The following SLC5A8 variants were observed in gnomAD, a reference collection of about 807,000 sequenced individuals.
SLC5A8 encodes the protein solute carrier family 5 member 8.
In SLC5A8, 55 loss-of-function variants were observed where a neutral mutation model predicts 71.9. That is an observed-to-expected ratio of 0.77 (90% CI 0.62 to 0.96). The LOEUF is 0.96. SLC5A8 is among the 40% of genes least tolerant of loss of function. The pLI is 0.00. For missense variants in SLC5A8, 701 were observed against 745.3 expected, an observed-to-expected ratio of 0.94 and a Z score of 0.69; for synonymous variants, 307 against 276.1, an observed-to-expected ratio of 1.11 and a Z score of -1.11.
intron 10 of SLC5A8, 88 bp downstream of exon 10, chr12:101,179,941 A>T: frequency 7.2e-7 from 1 of 1,385,274 alleles, no homozygotes; most frequent in African/African-American, 1.4e-5. Context: ...GTCGATATAT[A>T]TCGAGAGAAG....
chr12:101,184,363 T>A, intron 7 of SLC5A8, 141 bp from the exon 8 acceptor site: 1 of 682,464 alleles, frequency 1.5e-6, no homozygotes, highest in Non-Finnish European at 2.5e-6. Flanking sequence ...TACCTAAAAT[T>A]AAACTGTTTA....
intron 1 of SLC5A8, among the ~76,000 whole-genome samples, chr12:101,209,152 A>G (rs80239497): frequency 0.11 from 16,818 of 152,226 alleles, 2,319 homozygotes; most frequent in African/African-American, 0.32. Context: ...ACCTTCCCCA[A>G]AAATCTTTCC....
intron 12 of SLC5A8, among the ~76,000 whole-genome samples, chr12:101,165,981 T>G (rs1157113757): frequency 6.6e-6 from 1 of 152,174 alleles, no homozygotes; most frequent in Non-Finnish European, 1.5e-5. Context: ...GGCTCCAAAG[T>G]GTACTGCATG....
intron 10 of SLC5A8, among the ~76,000 whole-genome samples, chr12:101,175,856 G>A (rs1433699551): frequency 6.6e-6 from 1 of 152,028 alleles, no homozygotes; most frequent in Non-Finnish European, 1.5e-5. Flanking sequence ...AACACTAAAA[G>A]AATGGCTAAA....
Position 101,158,598 on chromosome 12 carries a change from CTATATA to C in SLC5A8, c.1631-276_1631-271del, listed in dbSNP as rs139268658. Among the ~76,000 whole-genome samples the C allele has an allele frequency of 7.7e-3, 163 of 21,172 alleles. 2 individuals carry two copies. The highest frequency in any genetic ancestry group is 0.014 in the South Asian group (7 of 486). The allele number at this position is 21,172 out of a possible 152,430, so 13.9% of individuals were successfully genotyped here. On this transcript the variant is annotated intron_variant, in intron 13 of 14. Coordinates refer to ENST00000536262, the MANE Select transcript of SLC5A8 (RefSeq NM_145913.5). Reference sequence around the variant, plus strand: ...TCTCTCTCTCTCTCTCTCTCTCTCTCTATATATATATATATATATATATATATATAT... The same window carrying C: ...TCTCTCTCTCTCTCTCTCTCTCTCTCTATATATATATATATATATATATAT...
At chr12:101,180,679 A>G (rs912661814) in intron 9 of SLC5A8, among the ~76,000 whole-genome samples, 3 of 152,110 alleles carry the variant, frequency 2.0e-5, no homozygotes, top group Non-Finnish European at 4.4e-5. Flanking sequence ...TAAGTAGCAC[A>G]TCTGCCCTAA....
intron 8 of SLC5A8, among the ~76,000 whole-genome samples, chr12:101,183,879 G>C (rs938120846): frequency 6.6e-6 from 1 of 152,110 alleles, no homozygotes; most frequent in African/African-American, 2.4e-5. Flanking sequence ...TCATTATTGT[G>C]ACCATAGGTA....
Position 101,166,683 on chromosome 12 carries a change from A to T in SLC5A8, c.1337T>A (p.Leu446Gln), listed in dbSNP as rs112846119. The T allele has an allele frequency of 1.2e-6, 2 of 1,610,180 alleles. No individual in the cohort carries two copies. The highest frequency in any genetic ancestry group is 2.7e-5 in the African/African-American group (2 of 74,976). ...TAGAGAAATGGCAAATCCAGCCATC[A>T]GACCAACAAGTGCTCCCTGTAAAAC... ...FANSIGALVGLMAGFAISLWV... is the reference protein window; with the variant it reads ...FANSIGALVGQMAGFAISLWV... Residue 446 changes from leucine to glutamine, a missense_variant, in exon 12 of 15, where the codon CTG becomes CAG. Leu to Gln is a moderately radical substitution (Grantham distance 113). Coordinates refer to ENST00000536262, the MANE Select transcript of SLC5A8 (RefSeq NM_145913.5).
At chr12:101,203,027 G>C (rs1191100498) in intron 2 of SLC5A8, among the ~76,000 whole-genome samples, 1 of 152,126 alleles carries the variant, frequency 6.6e-6, no homozygotes, top group East Asian at 1.9e-4. Context: ...TTGCAAAAAT[G>C]AACTAACTTT....
intron 8 of SLC5A8, 152 bp from the exon 9 acceptor site, chr12:101,183,067 A>G (rs1439117586): frequency 3.6e-6 from 1 of 278,396 alleles, no homozygotes; most frequent in Admixed American, 1.2e-4. Flanking sequence ...TTTTTTTGAG[A>G]CGGAGTCTCG....
chr12:101,160,187 C>CAACAAA (rs1780897381), intron 13 of SLC5A8, among the ~76,000 whole-genome samples: 1 of 151,912 alleles, frequency 6.6e-6, no homozygotes, highest in South Asian at 2.1e-4. Flanking sequence ...ATCTCAACAG[C>CAACAAA]AACAACAACA....
chr12:101,193,655 G>A lies in SLC5A8; in HGVS notation c.662C>T (p.Ala221Val). ...QGGISTILND[A>V]YDGGRLNFWN... ...GAAATTTAATCTTCCACCATCATAG[G>A]CATCATTTAAAATAGTGCTGATTCC... Residue 221 changes from alanine to valine, a missense_variant, in exon 5 of 15, where the codon GCC (alanine) becomes GTC (valine). Transcript: ENST00000536262. 1 of 1,613,822 alleles carries A rather than the reference G, an allele frequency of 6.2e-7. No individual in the cohort carries two copies. The highest frequency in any genetic ancestry group is 8.5e-7 in the Non-Finnish European group (1 of 1,179,900).
chr12:101,190,872 C>T (rs1160527527), intron 5 of SLC5A8, among the ~76,000 whole-genome samples: 1 of 152,050 alleles, frequency 6.6e-6, no homozygotes, highest in Admixed American at 6.5e-5. Flanking sequence ...ATTTATATAA[C>T]TTGTTCTCCT....
At chr12:101,183,677 C>A (rs1424513446) in intron 8 of SLC5A8, among the ~76,000 whole-genome samples, 1 of 152,126 alleles carries the variant, frequency 6.6e-6, no homozygotes, top group Non-Finnish European at 1.5e-5. Context: ...TTCTCTGGAA[C>A]AAACGCAAGG....
chr12:101,168,292 A>G lies in SLC5A8; in HGVS notation c.1234-110T>C, dbSNP rs538571886. 2.9e-6 allele frequency: 3 copies of G among 1,039,910 alleles called. No individual in the cohort carries two copies. The East Asian group carries it at 8.2e-5, about 28-fold the overall frequency. The allele number at this position is 1,039,910 out of a possible 1,614,324, so 64.4% of individuals were successfully genotyped here. On this transcript the variant is annotated intron_variant, in intron 10 of 14. Coordinates refer to ENST00000536262, the MANE Select transcript of SLC5A8 (RefSeq NM_145913.5). ...TAAAGTATTCGGCCTCCTTCTGAAA[A>G]TCATAGTTTCAGTCATGATAGCCTT... is the stretch of plus-strand genomic sequence containing the variant.
chr12:101,205,720 C>G (rs1452116758), intron 1 of SLC5A8, among the ~76,000 whole-genome samples: 2 of 152,200 alleles, frequency 1.3e-5, no homozygotes, highest in African/African-American at 2.4e-5. Context: ...ATGTTAGAGA[C>G]AAGAACACTG....
At position 101,168,091 on chromosome 12, in the gene SLC5A8, C is replaced by T. The variant is rs2051790108; in HGVS notation, c.1320+5G>A. 1 of 1,603,106 alleles carries T rather than the reference C, an allele frequency of 6.2e-7. No individual in the cohort carries two copies. On this transcript the variant is annotated splice_donor_5th_base_variant and intron_variant, in intron 11 of 14. Coordinates refer to ENST00000536262, the MANE Select transcript of SLC5A8 (RefSeq NM_145913.5). ...TCCTCAAGCATATTCATTCTTTGTACTTACAATTGAGTTGGCAAAGGGAAC... is the reference window on the plus strand; with the variant it reads ...TCCTCAAGCATATTCATTCTTTGTATTTACAATTGAGTTGGCAAAGGGAAC...
At chr12:101,182,625 T>TA (rs1370182027) in intron 9 of SLC5A8, among the ~76,000 whole-genome samples, 178 bp downstream of exon 9, 1 of 152,220 alleles carries the variant, frequency 6.6e-6, no homozygotes, top group African/African-American at 2.4e-5. Flanking sequence ...ACAGATATGG[T>TA]AACATTAAAC....
chr12:101,191,482 G>A (rs1482824787), intron 5 of SLC5A8, among the ~76,000 whole-genome samples: 1 of 152,156 alleles, frequency 6.6e-6, no homozygotes, highest in Non-Finnish European at 1.5e-5. Context: ...AAATGTGAGA[G>A]CCTCTATTTC....
Sources: gnomAD v4.1 joint callset for allele counts (sites outside exome capture counted in the v4.1 genomes callset) on GRCh38, gnomAD v4.1.1 for gene constraint, MANE v1.5 for transcripts, NCBI Gene and HGNC (gene_info 2026-07-23, HGNC 2026-07-21) for gene names.